The following STARD13 variants were observed in gnomAD, a reference collection of about 807,000 sequenced individuals.
STARD13 encodes stAR-related lipid transfer protein 13.
STARD13 carries 62 observed loss-of-function variants against 106.4 expected under a neutral mutation model. The ratio of observed to expected loss-of-function variants is 0.58; its 90% CI spans 0.48 to 0.72. The LOEUF is 0.72. STARD13 is among the 30% of genes least tolerant of loss of function. The probability of loss-of-function intolerance (pLI) is 0.00; values close to 1 mark genes in which losing one functional copy is unlikely to be tolerated. For missense variants in STARD13, 1,387 were observed against 1,424.0 expected (o/e 0.97, Z 0.42); for synonymous variants, 565 against 553.0 (o/e 1.02, Z -0.31).
chr13:33,501,670 G>T, the STARD13 span, among the ~76,000 whole-genome samples: 1 of 152,070 alleles, frequency 6.6e-6, no homozygotes, highest in African/African-American at 2.4e-5. Flanking sequence ...GTTTTTGTCA[G>T]ATTTGTCAAA....
intron 1 of STARD13, among the ~76,000 whole-genome samples, chr13:33,200,604 TTC>T (rs1242263505): frequency 6.6e-6 from 1 of 152,228 alleles, no homozygotes; most frequent in Admixed American, 6.5e-5. Flanking sequence ...ATTATTGTGT[TTC>T]TATTCACTTT....
the STARD13 span, among the ~76,000 whole-genome samples, chr13:33,612,688 T>A: frequency 2.6e-5 from 4 of 152,180 alleles, no homozygotes; most frequent in Non-Finnish European, 5.9e-5. Context: ...AAGGTCTCAC[T>A]CAAGCTCTCT....
the STARD13 span, among the ~76,000 whole-genome samples, chr13:33,547,042 G>A: frequency 6.6e-6 from 1 of 152,132 alleles, no homozygotes; most frequent in Non-Finnish European, 1.5e-5. Context: ...TTTAGAAAAA[G>A]TGAAAATATA....
chr13:33,321,562 G>T (rs960657000), intron 1 of STARD13, among the ~76,000 whole-genome samples: 4 of 151,288 alleles, frequency 2.6e-5, no homozygotes, highest in Admixed American at 2.6e-4. Context: ...CACTGACTCT[G>T]TGCCATCATT....
the STARD13 span, among the ~76,000 whole-genome samples, chr13:33,599,620 G>A: frequency 1.3e-5 from 2 of 152,064 alleles, no homozygotes; most frequent in Admixed American, 1.3e-4. Context: ...CCACAAGAAG[G>A]CCTTTTTAAG....
chr13:33,391,537 T>G, the STARD13 span, among the ~76,000 whole-genome samples: 3 of 152,206 alleles, frequency 2.0e-5, no homozygotes, highest in African/African-American at 7.2e-5. Context: ...GAAACATTTC[T>G]TAAGAATCTT....
intron 1 of STARD13, among the ~76,000 whole-genome samples, chr13:33,291,971 T>C (rs1364552565): frequency 6.6e-6 from 1 of 152,204 alleles, no homozygotes; most frequent in Admixed American, 6.5e-5. Flanking sequence ...TTTTGTTCAA[T>C]TCCTGACTTT....
At chr13:33,214,986 G>T (rs1266287681) in intron 1 of STARD13, among the ~76,000 whole-genome samples, 2 of 152,048 alleles carry the variant, frequency 1.3e-5, no homozygotes, top group African/African-American at 4.8e-5. Context: ...GAAGCATTAG[G>T]TTCTACTGTA....
At chr13:33,608,949 G>A in the STARD13 span, among the ~76,000 whole-genome samples, 3 of 151,762 alleles carry the variant, frequency 2.0e-5, no homozygotes, top group African/African-American at 7.3e-5. Context: ...AGCCGGGCGT[G>A]GTGGCGGGCG....
the STARD13 span, among the ~76,000 whole-genome samples, chr13:33,378,738 T>C: frequency 2.0e-5 from 3 of 148,094 alleles, no homozygotes; most frequent in Non-Finnish European, 4.5e-5. Context: ...TGCAGTGAGC[T>C]GAGATGGCAC....
the STARD13 span, among the ~76,000 whole-genome samples, chr13:33,589,260 AT>A: frequency 6.6e-6 from 1 of 152,070 alleles, no homozygotes; most frequent in African/African-American, 2.4e-5. Flanking sequence ...TTCTGGATTC[AT>A]TGATTTTTTG....
chr13:33,400,085 C>T, the STARD13 span, among the ~76,000 whole-genome samples: 3 of 151,938 alleles, frequency 2.0e-5, no homozygotes, highest in South Asian at 6.2e-4. Context: ...AGAACATGTT[C>T]ATCTTGTAAC....
chr13:33,167,588 A>C lies in STARD13; in HGVS notation c.204T>G (p.Arg68=), dbSNP rs1325408363. ...IEAKEACDWL[R]AAGFPQYAQL... is the part of the protein sequence containing the mutation. ...GAGCGTATTGCGGGAACCCGGCAGC[A>C]CGGAGCCAGTCACATGCTTCTTTTG... The change falls in exon 2 of 14, where the codon CGT becomes CGG. Residue 68 remains arginine, a synonymous_variant. Coordinates refer to ENST00000336934, the MANE Select transcript of STARD13 (RefSeq NM_178006.4). 1 of 1,614,214 alleles carries C rather than the reference A, an allele frequency of 6.2e-7. No homozygotes were observed. Among genetic ancestry groups the C allele is most frequent in the South Asian group, 1.1e-5 (1 of 91,084 alleles).
chr13:33,107,064 G>T (rs993926141), intron 12 of STARD13, 130 bp from the exon 13 acceptor site: 10 of 809,656 alleles, frequency 1.2e-5, no homozygotes, highest in Admixed American at 8.6e-5. Context: ...TAGTGACTTG[G>T]ATTAAGCTAA....
the STARD13 span, among the ~76,000 whole-genome samples, chr13:33,572,484 G>C: frequency 6.6e-6 from 1 of 152,282 alleles, no homozygotes; most frequent in South Asian, 2.1e-4. Context: ...TGGAGTCTCT[G>C]AGCCTACTCT....
At chr13:33,359,831 G>T in the STARD13 span, among the ~76,000 whole-genome samples, 1 of 152,176 alleles carries the variant, frequency 6.6e-6, no homozygotes, top group South Asian at 2.1e-4. Context: ...GATCAGTATA[G>T]AAATGTCTTC....
At chr13:33,429,841 C>T in the STARD13 span, among the ~76,000 whole-genome samples, 1 of 151,616 alleles carries the variant, frequency 6.6e-6, no homozygotes, top group Non-Finnish European at 1.5e-5. Flanking sequence ...ATGAATGAGA[C>T]CTACTATTTG....
At chr13:33,122,661 C>T (rs1876519683) in intron 7 of STARD13, among the ~76,000 whole-genome samples, 3 of 152,164 alleles carry the variant, frequency 2.0e-5, no homozygotes, top group Admixed American at 6.5e-5. Context: ...TGTGATCTCT[C>T]ATTTCCTTTT....
intron 1 of STARD13, among the ~76,000 whole-genome samples, chr13:33,217,113 G>A (rs904541373): frequency 3.2e-4 from 49 of 152,116 alleles, no homozygotes; most frequent in African/African-American, 1.0e-3. Context: ...CCTATGTCTC[G>A]TTGGCTGGCT....
Sources: allele counts gnomAD v4.1 joint callset (sites outside exome capture counted in the v4.1 genomes callset), GRCh38; gene constraint gnomAD v4.1.1; transcripts MANE v1.5; gene names NCBI Gene and HGNC (gene_info 2026-07-23, HGNC 2026-07-21).